Variants in CACNA1C observed in about 807,000 individuals in gnomAD.
The protein encoded by CACNA1C is voltage-dependent L-type calcium channel subunit alpha-1C.
A neutral mutation model predicts 229.0 loss-of-function variants in CACNA1C; 30 were observed. That is an observed-to-expected ratio of 0.13 (90% CI 0.10 to 0.18). The LOEUF (loss-of-function observed/expected upper bound fraction) is 0.18, where lower values mean the gene tolerates loss of function less well. CACNA1C is among the 10% of genes least tolerant of loss of function. The probability of loss-of-function intolerance (pLI) is 1.00; values close to 1 mark genes in which losing one functional copy is unlikely to be tolerated. For missense variants in CACNA1C, 1,658 were observed against 2,845.0 expected, an observed-to-expected ratio of 0.58 and a Z score of 9.49; for synonymous variants, 1,114 against 1,132.5, an observed-to-expected ratio of 0.98 and a Z score of 0.33.
chr12:2,310,470 A>G (rs890890679), intron 3 of CACNA1C, among the ~76,000 whole-genome samples: 4 of 152,170 alleles, frequency 2.6e-5, no homozygotes, highest in East Asian at 1.9e-4. Context: ...AATAGGACTT[A>G]CATGAAATTC....
At chr12:2,175,605 C>T (rs1260066683) in intron 3 of CACNA1C, among the ~76,000 whole-genome samples, 3 of 152,206 alleles carry the variant, frequency 2.0e-5, no homozygotes, top group East Asian at 3.9e-4. Flanking sequence ...TTACTGAGGC[C>T]CCATCAGCCT....
intron 1 of CACNA1C, among the ~76,000 whole-genome samples, chr12:2,104,497 A>G (rs906080931): frequency 2.0e-5 from 3 of 152,210 alleles, no homozygotes; most frequent in Admixed American, 2.0e-4. Context: ...TTCTAAATAT[A>G]TAATCATGTT....
intron 3 of CACNA1C, among the ~76,000 whole-genome samples, chr12:2,408,597 C>T (rs1456914983): frequency 1.3e-5 from 2 of 151,522 alleles, no homozygotes; most frequent in African/African-American, 4.9e-5. Context: ...CCCTTCTGGT[C>T]TACTGCTTCT....
chr12:2,210,532 G>T (rs1025477162), intron 3 of CACNA1C, among the ~76,000 whole-genome samples: 49 of 152,176 alleles, frequency 3.2e-4, no homozygotes, highest in African/African-American at 1.2e-3. Context: ...AATTGGTGGG[G>T]GGTTTGTTGA....
At chr12:2,580,893 T>G (rs1252484988) in intron 13 of CACNA1C, among the ~76,000 whole-genome samples, 1 of 152,188 alleles carries the variant, frequency 6.6e-6, no homozygotes, top group Non-Finnish European at 1.5e-5. Flanking sequence ...AGGATGCTTG[T>G]TAGAAACAAA....
chr12:2,363,620 T>C (rs2097637211), intron 3 of CACNA1C, among the ~76,000 whole-genome samples: 1 of 152,108 alleles, frequency 6.6e-6, no homozygotes, highest in Non-Finnish European at 1.5e-5. Context: ...CCTTCCTGCT[T>C]CCTGTTTTCT....
At chr12:2,439,394 G>A (rs1276619607) in intron 3 of CACNA1C, among the ~76,000 whole-genome samples, 1 of 152,230 alleles carries the variant, frequency 6.6e-6, no homozygotes, top group African/African-American at 2.4e-5. Flanking sequence ...GGAGGCCACT[G>A]GGGTGTGCAA....
chr12:2,618,863 T>C (rs2081980797), intron 29 of CACNA1C, among the ~76,000 whole-genome samples: 1 of 152,216 alleles, frequency 6.6e-6, no homozygotes, highest in Non-Finnish European at 1.5e-5. Context: ...TTTTCAGTCA[T>C]GTTTTCGGCA....
chr12:2,586,640 C>T lies in CACNA1C; in HGVS notation c.2530+736C>T, dbSNP rs143385008. Among the ~76,000 whole-genome samples the T allele has an allele frequency of 2.8e-3, 427 of 152,322 alleles. 3 individuals are homozygous for T. The highest frequency in any genetic ancestry group is 9.9e-3 in the African/African-American group (411 of 41,582). ...GGACTGTTGATTTTACTGACATTTC[C>T]TTGTTCCTGTAGGTTAGGCTATATT... is the stretch of plus-strand genomic sequence containing the variant. On this transcript the variant is annotated intron_variant, in intron 18 of 46. Coordinates refer to ENST00000399655, the MANE Select transcript of CACNA1C (RefSeq NM_000719.7).
chr12:2,601,680 A>G lies in CACNA1C; in HGVS notation c.2854-174A>G, dbSNP rs933527155. Among the ~76,000 whole-genome samples, 2 of 152,186 alleles carry G rather than the reference A, an allele frequency of 1.3e-5. No homozygotes were observed. The highest frequency in any genetic ancestry group is 2.9e-5 in the Non-Finnish European group (2 of 68,032). ...GCGAGAGTCTTGGGTGGTTGTGTGC[A>G]TGGTAGCAGAACTCTTTTCTTGGCA... On this transcript the variant is annotated intron_variant, in intron 21 of 46. Transcript: ENST00000399655. The surrounding 1 kb of genome is among the most constrained non-coding windows in gnomAD (Gnocchi z 5.9).
At position 2,585,475 on chromosome 12, in the gene CACNA1C, A is replaced by G. The variant is rs1300837806; in HGVS notation, c.2439A>G (p.Gly813=). The G allele has an allele frequency of 1.3e-6, 2 of 1,569,094 alleles. No homozygotes were observed. Among genetic ancestry groups the G allele is most frequent in the Non-Finnish European group, 1.7e-6 (2 of 1,156,250 alleles). ...KIELKSITAD[G]ESPPATKINM... is the part of the protein sequence containing the mutation. ...AGCTGAAATCCATCACGGCTGACGG[A>G]GAGTCTCCACCCGCCACCAAGGTGA... The change falls in exon 17 of 47, where the codon GGA becomes GGG. Residue 813 remains glycine (G), a synonymous_variant. Transcript: ENST00000399655. The surrounding 1 kb of genome is among the most constrained non-coding windows in gnomAD (Gnocchi z 4.1).
intron 1 of CACNA1C, among the ~76,000 whole-genome samples, chr12:2,061,999 A>G (rs2057686077): frequency 6.6e-6 from 1 of 152,242 alleles, no homozygotes; most frequent in Non-Finnish European, 1.5e-5. Flanking sequence ...AGTCTAAGTG[A>G]CAGGATTAGT....
intron 3 of CACNA1C, among the ~76,000 whole-genome samples, chr12:2,347,968 G>A (rs967549041): frequency 2.0e-5 from 3 of 152,232 alleles, no homozygotes; most frequent in African/African-American, 7.2e-5. Flanking sequence ...ATGCCCTGGG[G>A]CCATTCTCAC....
intron 29 of CACNA1C, among the ~76,000 whole-genome samples, chr12:2,634,014 G>A (rs770562499): frequency 3.9e-5 from 6 of 152,094 alleles, no homozygotes; most frequent in South Asian, 2.1e-4. Context: ...TCCCCGGGGC[G>A]GCCACAGCCC....
At position 2,450,346 on chromosome 12, in the gene CACNA1C, A is replaced by C. The variant is rs2099351035; in HGVS notation, c.617+1231A>C. Among the ~76,000 whole-genome samples, 3 of 152,036 alleles carry C rather than the reference A, an allele frequency of 2.0e-5. No homozygotes were observed. In the South Asian group the frequency reaches 6.2e-4, roughly 32 times the overall value. ...AAGGCGGGCGGATCACGAGGTCAGG[A>C]GATCGAGACCATCCTGGCTAACACG... is the stretch of plus-strand genomic sequence containing the variant. On this transcript the variant is annotated intron_variant, in intron 4 of 46. Transcript: ENST00000399655.
intron 11 of CACNA1C, among the ~76,000 whole-genome samples, chr12:2,562,591 C>T (rs2048078192): frequency 6.6e-6 from 1 of 152,200 alleles, no homozygotes; most frequent in African/African-American, 2.4e-5. Flanking sequence ...CTTCAGAGGT[C>T]GCCTCTCAAG....
chr12:2,231,326 T>C (rs756894216), intron 3 of CACNA1C, among the ~76,000 whole-genome samples: 23 of 152,378 alleles, frequency 1.5e-4, no homozygotes, highest in Middle Eastern at 3.4e-3. Context: ...TGGATGCATG[T>C]GGTAACCAGC....
intron 3 of CACNA1C, among the ~76,000 whole-genome samples, chr12:2,423,671 C>A (rs1243578925): frequency 1.3e-5 from 2 of 152,164 alleles, no homozygotes; most frequent in Non-Finnish European, 2.9e-5. Flanking sequence ...AACTGGGACT[C>A]TTCTCAGAAA....
chr12:2,106,268 C>T (rs554182094), intron 1 of CACNA1C, among the ~76,000 whole-genome samples: 3 of 56,988 alleles, frequency 5.3e-5, no homozygotes, highest in South Asian at 6.2e-4. Flanking sequence ...CACTGGGCGC[C>T]CACCCCGGGG....
Sources: allele counts gnomAD v4.1 joint callset (sites outside exome capture counted in the v4.1 genomes callset), GRCh38; gene constraint gnomAD v4.1.1; non-coding constraint Gnocchi (gnomAD v3.1); transcripts MANE v1.5; gene names NCBI Gene and HGNC (gene_info 2026-07-23, HGNC 2026-07-21).